The following NDE1 variants were observed in gnomAD, a reference collection of about 807,000 sequenced individuals.
NDE1 encodes nudE neurodevelopment protein 1.
Under a neutral mutation model 43.4 loss-of-function variants are expected in NDE1, and 28 were observed. The observed-to-expected ratio is 0.65, with a 90% CI of 0.48 to 0.89. NDE1 has a LOEUF of 0.89. Among genes scored for constraint, NDE1 ranks in the 40% least tolerant of loss-of-function variants. NDE1 has a pLI of 0.00. For synonymous variants in NDE1, 184 were observed against 172.0 expected, an observed-to-expected ratio of 1.07 and a Z score of -0.55; for missense variants, 441 against 434.1, an observed-to-expected ratio of 1.02 and a Z score of -0.14.
intron 8 of NDE1, among the ~76,000 whole-genome samples, chr16:15,705,631 G>A (rs2039407397): frequency 6.6e-6 from 1 of 152,112 alleles, no homozygotes; most frequent in Admixed American, 6.5e-5. Flanking sequence ...CCCCACGCAA[G>A]GGTTGGATAA....
At chr16:15,661,538 C>G (rs960594644) in intron 1 of NDE1, among the ~76,000 whole-genome samples, 2 of 151,982 alleles carry the variant, frequency 1.3e-5, no homozygotes, top group African/African-American at 4.8e-5. Flanking sequence ...TGGGTCACTG[C>G]AGCCTCGACC....
At chr16:15,675,777 A>C (rs1043750498) in intron 3 of NDE1, among the ~76,000 whole-genome samples, 6 of 152,138 alleles carry the variant, frequency 3.9e-5, no homozygotes, top group African/African-American at 7.2e-5. Context: ...GAACAGAATC[A>C]AGAGAGCTCG....
At chr16:15,678,322 C>G (rs2037994020) in intron 4 of NDE1, among the ~76,000 whole-genome samples, 1 of 152,106 alleles carries the variant, frequency 6.6e-6, no homozygotes, top group Non-Finnish European at 1.5e-5. Context: ...GAACACCAAG[C>G]CTGTGCTAAG....
upstream of NDE1, among the ~76,000 whole-genome samples, chr16:15,646,302 C>A (rs542792127): frequency 6.6e-6 from 1 of 152,180 alleles, no homozygotes; most frequent in Admixed American, 6.5e-5. Flanking sequence ...GGGGGCCAGG[C>A]GCAGTGGCTC....
intron 8 of NDE1, among the ~76,000 whole-genome samples, chr16:15,705,020 C>T (rs1480521685): frequency 6.6e-6 from 1 of 152,216 alleles, no homozygotes; most frequent in African/African-American, 2.4e-5. Flanking sequence ...GTCTCTCTCA[C>T]CCAGGCTGGA....
At chr16:15,695,244 T>C (rs1309605465) in intron 7 of NDE1, among the ~76,000 whole-genome samples, 2 of 120,962 alleles carry the variant, frequency 1.7e-5, no homozygotes, top group Non-Finnish European at 3.3e-5. Flanking sequence ...TTTCTTGGGG[T>C]TTAAGTGAAT....
rs763226594 is a variant in NDE1 at position 15,725,325 on chromosome 16, C to T, written c.*1074C>T. On this transcript the variant is annotated 3_prime_UTR_variant, in exon 9 of 9. Transcript: ENST00000396354. ...AGATCCCTGCCAAGGTTGGTAGAGA[C>T]AAAGCAGCAGGTCTGAGAGTCCAGA... The T allele has an allele frequency of 1.8e-6, 1 of 562,644 alleles. No individual in the cohort carries two copies. The allele number at this position is 562,644 out of a possible 1,614,324, so 34.9% of individuals were successfully genotyped here.
chr16:15,686,964 T>C lies in NDE1; in HGVS notation c.387-411T>C. 5.1e-6 allele frequency: 5 copies of C among 985,138 alleles called. No homozygotes were observed. In the South Asian group the frequency reaches 1.9e-4, roughly 37 times the overall value. The allele number at this position is 985,138 out of a possible 1,614,324, so 61.0% of individuals were successfully genotyped here. On this transcript the variant is annotated intron_variant, in intron 4 of 8. Transcript: ENST00000396354. ...CACCTGCCTCGGCCTCCCAAAGGGCTGGGATTACAGGCATGAGCCACCTTG... is the reference window on the plus strand; with the variant it reads ...CACCTGCCTCGGCCTCCCAAAGGGCCGGGATTACAGGCATGAGCCACCTTG...
At chr16:15,722,744 TTTTA>T (rs779615288) in intron 8 of NDE1, among the ~76,000 whole-genome samples, 5 of 152,088 alleles carry the variant, frequency 3.3e-5, no homozygotes, top group Non-Finnish European at 5.9e-5. Flanking sequence ...ACAATCCTCA[TTTTA>T]TTTATTTTTG....
intron 3 of NDE1, among the ~76,000 whole-genome samples, chr16:15,672,200 C>G (rs151048056): frequency 6.9e-4 from 105 of 151,916 alleles, no homozygotes; most frequent in African/African-American, 2.3e-3. Flanking sequence ...TTTGGGAGAC[C>G]GAGGCGGGCG....
intron 8 of NDE1, chr16:15,702,220 G>T (rs905837090): frequency 2.0e-5 from 3 of 152,210 alleles, no homozygotes; most frequent in Non-Finnish European, 4.4e-5. Flanking sequence ...GCCTTTGCAG[G>T]CATGTCTGTC....
chr16:15,710,543 A>G (rs2039722690), intron 8 of NDE1, among the ~76,000 whole-genome samples: 1 of 151,908 alleles, frequency 6.6e-6, no homozygotes, highest in East Asian at 1.9e-4. Flanking sequence ...AAAAGAAAAG[A>G]AATCACTGGG....
intron 1 of NDE1, among the ~76,000 whole-genome samples, chr16:15,656,631 C>T (rs1420648813): frequency 6.6e-6 from 1 of 152,092 alleles, no homozygotes; most frequent in Non-Finnish European, 1.5e-5. Flanking sequence ...ACCTCCACCT[C>T]CCGGGTTCAA....
At chr16:15,709,207 CTGGGATT>C (rs1230989879) in intron 8 of NDE1, among the ~76,000 whole-genome samples, 2 of 152,124 alleles carry the variant, frequency 1.3e-5, no homozygotes, top group African/African-American at 2.4e-5. Flanking sequence ...TCCCAAGGTG[CTGGGATT>C]TGGGATTACA....
chr16:15,648,102 A>G (rs2036368022), upstream of NDE1, among the ~76,000 whole-genome samples: 1 of 151,800 alleles, frequency 6.6e-6, no homozygotes, highest in African/African-American at 2.4e-5. Context: ...GTAGGTGTTT[A>G]TATTTATGGG....
chr16:15,697,516 C>A (rs548666119), intron 8 of NDE1, among the ~76,000 whole-genome samples: 4 of 152,014 alleles, frequency 2.6e-5, no homozygotes, highest in Non-Finnish European at 5.9e-5. Context: ...CAAAACCAGT[C>A]TGGGCAACAT....
rs149155948 is a variant in NDE1 at position 15,677,401 on chromosome 16, C to T, written c.238-400C>T. 1.6e-4 allele frequency among the ~76,000 whole-genome samples: 24 copies of T among 152,110 alleles called. No homozygotes were observed. In the East Asian group the frequency reaches 1.9e-3, roughly 12 times the overall value. On this transcript the variant is annotated intron_variant, in intron 3 of 8. Coordinates refer to ENST00000396354, the MANE Select transcript of NDE1 (RefSeq NM_017668.3). ...AGGAGTTCAAGACCAGCCTGGCCAACGTGGTAAAACCCGGTCTCTACTAAA... is the reference window on the plus strand; with the variant it reads ...AGGAGTTCAAGACCAGCCTGGCCAATGTGGTAAAACCCGGTCTCTACTAAA...
chr16:15,719,260 CCTT>C, intron 8 of NDE1: 1 of 1,613,512 alleles, frequency 6.2e-7, no homozygotes, highest in Non-Finnish European at 8.5e-7. Flanking sequence ...GCCAGTTCCT[CCTT>C]CTCGAGGTCC....
chr16:15,656,519 TTTATTATTA>T (rs58046044), intron 1 of NDE1, among the ~76,000 whole-genome samples: 4 of 151,232 alleles, frequency 2.6e-5, no homozygotes, highest in Admixed American at 6.6e-5. Flanking sequence ...GCTCTTTTCT[TTTATTATTA>T]TTATTATTAT....
Sources: gnomAD v4.1 joint callset for allele counts (sites outside exome capture counted in the v4.1 genomes callset) on GRCh38, gnomAD v4.1.1 for gene constraint, MANE v1.5 for transcripts, NCBI Gene and HGNC (gene_info 2026-07-23, HGNC 2026-07-21) for gene names.